The following SESN3 variants were observed in gnomAD, a reference collection of about 807,000 sequenced individuals.
The protein encoded by SESN3 is sestrin-3.
Under a neutral mutation model 55.3 loss-of-function variants are expected in SESN3, and 21 were observed. The ratio of observed to expected loss-of-function variants is 0.38; its 90% CI spans 0.27 to 0.55. The LOEUF is 0.55. Ranked by LOEUF, SESN3 falls within the 20% of genes least tolerant of loss-of-function variation. SESN3 has a pLI of 0.76. For missense variants in SESN3, 408 were observed against 604.3 expected, an observed-to-expected ratio of 0.68 and a Z score of 3.41; for synonymous variants, 181 against 203.1, an observed-to-expected ratio of 0.89 and a Z score of 0.93.
At chr11:95,178,873 G>T (rs891926635) in intron 6 of SESN3, 45 bp from the exon 7 acceptor site, 1 of 1,120,340 alleles carries the variant, frequency 8.9e-7, no homozygotes, top group Non-Finnish European at 1.3e-6. Flanking sequence ...TACTGTACGT[G>T]GTTATGACAA....
chr11:95,199,125 A>T (rs557819763), intron 1 of SESN3, among the ~76,000 whole-genome samples: 37 of 152,264 alleles, frequency 2.4e-4, no homozygotes, highest in African/African-American at 8.4e-4. Flanking sequence ...GTTTAAAAAA[A>T]GGAATGTAAA....
At chr11:95,225,650 A>G (rs1860934968) in intron 1 of SESN3, among the ~76,000 whole-genome samples, 1 of 152,234 alleles carries the variant, frequency 6.6e-6, no homozygotes, top group African/African-American at 2.4e-5. Flanking sequence ...GTTTGTGAGA[A>G]TCAACTGAAA....
chr11:95,220,480 T>G (rs904111272), intron 1 of SESN3, among the ~76,000 whole-genome samples: 1 of 152,164 alleles, frequency 6.6e-6, no homozygotes, highest in African/African-American at 2.4e-5. Flanking sequence ...AATGGTCACA[T>G]AATTAGGATT....
rs1440109094 is a variant in SESN3 at position 95,172,702 on chromosome 11, G to A, written c.*553C>T. Reference sequence around the variant, plus strand: ...AACAAACAAATAAAAAACAGTGCCTGACAAATAATCTCCTGGGGACACAAA... The same window carrying A: ...AACAAACAAATAAAAAACAGTGCCTAACAAATAATCTCCTGGGGACACAAA... On this transcript the variant is annotated 3_prime_UTR_variant, in exon 10 of 10. Coordinates refer to ENST00000536441, the MANE Select transcript of SESN3 (RefSeq NM_144665.4). 6.6e-6 allele frequency: 1 copy of A among 152,198 alleles called. No individual in the cohort carries two copies. The highest frequency in any genetic ancestry group is 2.4e-5 in the African/African-American group (1 of 41,438). 9.4% of individuals were successfully genotyped at this position (152,198 alleles called of 1,614,324 possible). A position where few individuals can be genotyped will look rare whatever the true frequency, so the allele number is the denominator to read the frequency against.
At position 95,230,955 on chromosome 11, in the gene SESN3, C is replaced by T; in HGVS notation, c.-95G>A. ...GGCCGGTCCGTCCCCCCGCCGCCAG[C>T]CGCGATTCCGCCTCAGCCTCCTCAA... On this transcript the variant is annotated 5_prime_UTR_variant, in exon 1 of 10. Transcript: ENST00000536441. This position sits in a 1 kb window ranked among gnomAD's most constrained non-coding sequence, Gnocchi z 4.6. 1 of 757,406 alleles carries T rather than the reference C, an allele frequency of 1.3e-6. No homozygotes were observed. The highest frequency in any genetic ancestry group is 1.9e-6 in the Non-Finnish European group (1 of 522,600). The allele number at this position is 757,406 out of a possible 1,614,324, so 46.9% of individuals were successfully genotyped here. A position where few individuals can be genotyped will look rare whatever the true frequency, so the allele number is the denominator to read the frequency against.
chr11:95,171,024 C>T lies in SESN3; in HGVS notation c.*2231G>A, dbSNP rs1859839991. The stretch of plus-strand genomic sequence containing the variant: ...TTTGGTCTAAAGCTCATATGGTGTT[C>T]TGTGAGAATTTCTCCTCCTTTTCAA... On this transcript the variant is annotated 3_prime_UTR_variant, in exon 10 of 10. Transcript: ENST00000536441. 2 of 152,110 alleles carry T rather than the reference C, an allele frequency of 1.3e-5. No homozygotes were observed. The highest frequency in any genetic ancestry group is 1.3e-4 in the Admixed American group (2 of 15,262). The allele number at this position is 152,110 out of a possible 1,614,324, so 9.4% of individuals were successfully genotyped here.
intron 1 of SESN3, among the ~76,000 whole-genome samples, chr11:95,197,445 C>CTTTTTT (rs5793719): frequency 7.3e-6 from 1 of 136,364 alleles, no homozygotes; most frequent in Non-Finnish European, 1.6e-5. Context: ...CTTTTCTTTT[C>CTTTTTT]TTTTTTTTTT....
chr11:95,185,542 C>T, intron 4 of SESN3, 50 bp from the exon 5 acceptor site: 1 of 1,166,382 alleles, frequency 8.6e-7, no homozygotes, highest in Non-Finnish European at 1.3e-6. Context: ...TAGAATGCTA[C>T]AAAGAAATTT....
chr11:95,200,717 A>G (rs1010481815), intron 1 of SESN3, among the ~76,000 whole-genome samples: 2 of 152,066 alleles, frequency 1.3e-5, no homozygotes, highest in African/African-American at 4.8e-5. Flanking sequence ...AACCAAGGCT[A>G]TCAAGTCCTT....
At chr11:95,215,565 A>G (rs1860736756) in intron 1 of SESN3, among the ~76,000 whole-genome samples, 1 of 152,176 alleles carries the variant, frequency 6.6e-6, no homozygotes, top group Non-Finnish European at 1.5e-5. Context: ...GCTGAATTAC[A>G]ATGACATTCA....
In SESN3 at chr11:95,209,554, T is replaced by C. The variant is rs533594076; in HGVS notation, c.79-16032A>G. On this transcript the variant is annotated intron_variant, in intron 1 of 9. Coordinates refer to ENST00000536441, the MANE Select transcript of SESN3 (RefSeq NM_144665.4). The stretch of plus-strand genomic sequence containing the variant: ...CCCAGCAATCCCATTAGTGGGTATA[T>C]ACTCAAAGGATTATAAATCATTCTA... Among the ~76,000 whole-genome samples, 4 of 151,520 alleles carry C rather than the reference T, an allele frequency of 2.6e-5. 1 individual carries two copies. Among genetic ancestry groups the C allele is most frequent in the East Asian group, 1.9e-4 (1 of 5,190 alleles).
chr11:95,173,018 A>T lies in SESN3; in HGVS notation c.*237T>A. The T allele has an allele frequency of 2.5e-6, 1 of 403,910 alleles. No individual in the cohort carries two copies. The highest frequency in any genetic ancestry group is 3.4e-5 in the East Asian group (1 of 29,718). The allele number at this position is 403,910 out of a possible 1,614,324, so 25.0% of individuals were successfully genotyped here. A position where few individuals can be genotyped will look rare whatever the true frequency, so the allele number is the denominator to read the frequency against. On this transcript the variant is annotated 3_prime_UTR_variant, in exon 10 of 10. Transcript: ENST00000536441. ...AGTATCCAAAACTCCAACTACAAAC[A>T]ATGCAAAGTAGTGCTCCTCAGTATT...
intron 3 of SESN3, among the ~76,000 whole-genome samples, chr11:95,190,696 A>C (rs1056468593): frequency 1.3e-5 from 2 of 152,006 alleles, no homozygotes; most frequent in African/African-American, 2.4e-5. Context: ...CAGTGAGACT[A>C]TAAAAAAGAC....
At chr11:95,226,428 G>A (rs1405653165) in intron 1 of SESN3, among the ~76,000 whole-genome samples, 1 of 152,164 alleles carries the variant, frequency 6.6e-6, no homozygotes, top group Non-Finnish European at 1.5e-5. Flanking sequence ...TTTATTTAGG[G>A]TGGGGAGTTG....
Position 95,230,706 on chromosome 11 carries a change from C to G in SESN3, c.78+77G>C. 9.1e-7 allele frequency: 1 copy of G among 1,102,506 alleles called. No individual in the cohort carries two copies. The highest frequency in any genetic ancestry group is 1.3e-6 in the Non-Finnish European group (1 of 750,518). 68.3% of individuals were successfully genotyped at this position (1,102,506 alleles called of 1,614,324 possible). A position where few individuals can be genotyped will look rare whatever the true frequency, so the allele number is the denominator to read the frequency against. On this transcript the variant is annotated intron_variant, in intron 1 of 9. Coordinates refer to ENST00000536441, the MANE Select transcript of SESN3 (RefSeq NM_144665.4). The surrounding 1 kb of genome is among the most constrained non-coding windows in gnomAD (Gnocchi z 4.6). ...ATCCCTCTCAGCCTCCCCCAGTGCG[C>G]GCCCGGGGACGAGCCGCCCGAGCCC...
rs2134202473 is a variant in SESN3, at chr11:95,168,276, C to T, written c.*4979G>A. On this transcript the variant is annotated 3_prime_UTR_variant, in exon 10 of 10. Transcript: ENST00000536441. Reference sequence around the variant, plus strand: ...GGATTGCTGGAGAATTTTAACTTTACATTCAAATAGCTTGGACTAACAACA... The same window carrying T: ...GGATTGCTGGAGAATTTTAACTTTATATTCAAATAGCTTGGACTAACAACA... The T allele has an allele frequency of 2.6e-5, 4 of 152,278 alleles. 1 individual carries two copies. The highest frequency in any genetic ancestry group is 2.6e-4 in the Admixed American group (4 of 15,286). 9.4% of individuals were successfully genotyped at this position (152,278 alleles called of 1,614,324 possible).
At chr11:95,179,162 T>A (rs901795093) in intron 6 of SESN3, among the ~76,000 whole-genome samples, 1 of 151,964 alleles carries the variant, frequency 6.6e-6, no homozygotes, top group African/African-American at 2.4e-5. Flanking sequence ...TTAACCAGTT[T>A]TTTTTTTTTT....
At chr11:95,193,245 A>G (rs1286770886) in intron 2 of SESN3, among the ~76,000 whole-genome samples, 1 of 152,104 alleles carries the variant, frequency 6.6e-6, no homozygotes, top group African/African-American at 2.4e-5. Flanking sequence ...GTATTATTCT[A>G]TTTCTACTAG....
chr11:95,197,888 C>A (rs1464816537), intron 1 of SESN3, among the ~76,000 whole-genome samples: 1 of 152,178 alleles, frequency 6.6e-6, no homozygotes, highest in Non-Finnish European at 1.5e-5. Context: ...TCTCCGCCCT[C>A]CAGTCTGGCT....
Sources: allele counts gnomAD v4.1 joint callset (sites outside exome capture counted in the v4.1 genomes callset), GRCh38; gene constraint gnomAD v4.1.1; non-coding constraint Gnocchi (gnomAD v3.1); transcripts MANE v1.5; gene names NCBI Gene and HGNC (gene_info 2026-07-23, HGNC 2026-07-21).